Variants in TP53BP1 observed in about 807,000 individuals in gnomAD.
The protein encoded by TP53BP1 is tumor protein p53 binding protein 1, also known as TP53-binding protein 1.
A neutral mutation model predicts 200.8 loss-of-function variants in TP53BP1; 61 were observed. The observed-to-expected ratio is 0.30, with a 90% CI of 0.25 to 0.38. The LOEUF (loss-of-function observed/expected upper bound fraction) is 0.38. Among genes scored for constraint, TP53BP1 ranks in the 10% least tolerant of loss-of-function variants. TP53BP1 has a pLI of 1.00. For synonymous variants in TP53BP1, 822 were observed against 844.3 expected, an observed-to-expected ratio of 0.97 and a Z score of 0.46; for missense variants, 2,144 against 2,371.9, an observed-to-expected ratio of 0.90 and a Z score of 2.00.
At chr15:43,446,058 C>T (rs1238812925) in intron 14 of TP53BP1, among the ~76,000 whole-genome samples, 1 of 152,148 alleles carries the variant, frequency 6.6e-6, no homozygotes, top group East Asian at 1.9e-4. Flanking sequence ...CAAACAACTT[C>T]TAATTCATGT....
At chr15:43,501,347 G>A (rs1478560906) in intron 1 of TP53BP1, among the ~76,000 whole-genome samples, 2 of 151,614 alleles carry the variant, frequency 1.3e-5, no homozygotes. Flanking sequence ...CCTCGGGGCT[G>A]GGACTACAGG....
intron 10 of TP53BP1, among the ~76,000 whole-genome samples, chr15:43,473,464 C>T (rs976435600): frequency 1.3e-5 from 2 of 151,998 alleles, no homozygotes; most frequent in African/African-American, 2.4e-5. Context: ...CAAGGCCCCA[C>T]CAGAGTAGCT....
intron 10 of TP53BP1, among the ~76,000 whole-genome samples, chr15:43,472,653 T>C (rs1334049199): frequency 6.6e-6 from 1 of 152,216 alleles, no homozygotes; most frequent in Non-Finnish European, 1.5e-5. Context: ...CAATTGCTGG[T>C]TCCTTCTCAC....
Position 43,454,232 on chromosome 15 carries a change from C to G in TP53BP1, c.2716+1660G>C, listed in dbSNP as rs2046240499. 2.0e-5 allele frequency among the ~76,000 whole-genome samples: 3 copies of G among 152,030 alleles called. 1 individual carries two copies. The South Asian group carries it at 6.2e-4, about 32-fold the overall frequency. On this transcript the variant is annotated intron_variant, in intron 12 of 27. Coordinates refer to ENST00000382044, the MANE Select transcript of TP53BP1 (RefSeq NM_001141980.3). ...AAAAAAAGGGACTGTTCTACGCAAA[C>G]CAAAAAATATGGTCACTCATACTAT...
chr15:43,477,511 G>T, intron 8 of TP53BP1, 82 bp downstream of exon 8: 1 of 1,341,522 alleles, frequency 7.5e-7, no homozygotes, highest in South Asian at 2.0e-5. Context: ...AAAATGCTTT[G>T]TAACTTAACC....
chr15:43,409,115 A>G lies in TP53BP1; in HGVS notation c.5401-19T>C. 1 of 1,613,202 alleles carries G rather than the reference A, an allele frequency of 6.2e-7. No individual in the cohort carries two copies. The highest frequency in any genetic ancestry group is 1.7e-5 in the Admixed American group (1 of 59,976). On this transcript the variant is annotated intron_variant, in intron 25 of 27. Coordinates refer to ENST00000382044, the MANE Select transcript of TP53BP1 (RefSeq NM_001141980.3). ...TGTTACACTGCAAGAAAAGAAGCAGAGCCAATGGGTTTGGTGACTTCTGTG... is the reference window on the plus strand; with the variant it reads ...TGTTACACTGCAAGAAAAGAAGCAGGGCCAATGGGTTTGGTGACTTCTGTG...
chr15:43,499,131 A>C (rs1378784521), intron 1 of TP53BP1, among the ~76,000 whole-genome samples: 1 of 152,102 alleles, frequency 6.6e-6, no homozygotes, highest in Non-Finnish European at 1.5e-5. Flanking sequence ...ATAAGAGAAG[A>C]CTTCAGTGGA....
rs1566906972 is a variant in TP53BP1 at position 43,405,484 on chromosome 15, T to C, written c.*1899A>G. ...TTGTTGGATATGTTCATTTATTCAA[T>C]AGTCATTTATTGAGCACCTACTACG... On this transcript the variant is annotated 3_prime_UTR_variant, in exon 28 of 28. Coordinates refer to ENST00000382044, the MANE Select transcript of TP53BP1 (RefSeq NM_001141980.3). 1 of 532,082 alleles carries C rather than the reference T, an allele frequency of 1.9e-6. No individual in the cohort carries two copies. The highest frequency in any genetic ancestry group is 3.4e-6 in the Non-Finnish European group (1 of 297,884). 33.0% of individuals were successfully genotyped at this position (532,082 alleles called of 1,614,324 possible). A position where few individuals can be genotyped will look rare whatever the true frequency, so the allele number is the denominator to read the frequency against.
intron 12 of TP53BP1, among the ~76,000 whole-genome samples, chr15:43,454,180 A>G (rs2046239195): frequency 6.6e-6 from 1 of 151,426 alleles, no homozygotes; most frequent in African/African-American, 2.4e-5. Context: ...ACTCCAGCCC[A>G]GCAACAGAGC....
In TP53BP1 at chr15:43,475,676, G is replaced by A. The variant is rs144313241; in HGVS notation, c.974C>T (p.Ser325Phe). 1 of 1,613,920 alleles carries A rather than the reference G, an allele frequency of 6.2e-7. No individual in the cohort carries two copies. Among genetic ancestry groups the A allele is most frequent in the Non-Finnish European group, 8.5e-7 (1 of 1,180,026 alleles). ...SNKTVSSDGC[S>F]TPSREEGGCS... is the part of the protein sequence containing the mutation. ...CCCACCTTCCTCCCTTGAAGGAGTAGAGCAACCATCAGAAGATACTGAAAA... is the reference window on the plus strand; with the variant it reads ...CCCACCTTCCTCCCTTGAAGGAGTAAAGCAACCATCAGAAGATACTGAAAA... The change falls in exon 9 of 28, where the codon TCT becomes TTT. Residue 325 changes from serine to phenylalanine, a missense_variant. Transcript: ENST00000382044.
intron 23 of TP53BP1, among the ~76,000 whole-genome samples, chr15:43,413,760 T>A (rs1178096976): frequency 6.6e-6 from 1 of 151,468 alleles, no homozygotes; most frequent in African/African-American, 2.4e-5. Context: ...TCCCCCAGGG[T>A]ATGAGATATT....
At chr15:43,485,508 C>T (rs952688913) in intron 4 of TP53BP1, among the ~76,000 whole-genome samples, 6 of 134,464 alleles carry the variant, frequency 4.5e-5, no homozygotes, top group African/African-American at 1.1e-4. Flanking sequence ...ACCCAGGAGG[C>T]GGAGCTTGCA....
chr15:43,407,196 CAG>C lies in TP53BP1; in HGVS notation c.*185_*186del, dbSNP rs2044929735. Reference sequence around the variant, plus strand: ...TGTTCTGAGATTAAGCTCAAAAAAACAGATGAAGAAATCCCAGTTACTACAAC... The same window carrying C: ...TGTTCTGAGATTAAGCTCAAAAAAACATGAAGAAATCCCAGTTACTACAAC... On this transcript the variant is annotated 3_prime_UTR_variant, in exon 28 of 28. Coordinates refer to ENST00000382044, the MANE Select transcript of TP53BP1 (RefSeq NM_001141980.3). 1.7e-6 allele frequency: 1 copy of C among 580,230 alleles called. No homozygotes were observed. Among genetic ancestry groups the C allele is most frequent in the African/African-American group, 1.9e-5 (1 of 53,520 alleles). The allele number at this position is 580,230 out of a possible 1,614,324, so 35.9% of individuals were successfully genotyped here.
Position 43,492,432 on chromosome 15 carries a change from G to C in TP53BP1, c.44C>G (p.Ser15Ter). ...AGGAGTATCTTGCTGAGAGAAATCT[G>C]AATCCAACTGACTTCCAGTAGGGTC... ...QMDPTGSQLD[S>*]DFSQQDTPCL... The change falls in exon 2 of 28, where the codon TCA becomes TGA. Residue 15 changes from serine to a stop codon, truncating the protein, a stop_gained. Coordinates refer to ENST00000382044, the MANE Select transcript of TP53BP1 (RefSeq NM_001141980.3). LOFTEE classifies it high-confidence loss of function. 2 of 1,613,998 alleles carry C rather than the reference G, an allele frequency of 1.2e-6. No individual in the cohort carries two copies. Among genetic ancestry groups the C allele is most frequent in the Non-Finnish European group, 1.7e-6 (2 of 1,179,978 alleles).
chr15:43,404,906 A>G lies in TP53BP1; in HGVS notation c.*2477T>C. 2 of 500,374 alleles carry G rather than the reference A, an allele frequency of 4.0e-6. No individual in the cohort carries two copies. The highest frequency in any genetic ancestry group is 7.3e-5 in the Admixed American group (2 of 27,360). The allele number at this position is 500,374 out of a possible 1,614,324, so 31.0% of individuals were successfully genotyped here. The stretch of plus-strand genomic sequence containing the variant: ...TGGTCCCTAGCTTCCGCATCTGTGA[A>G]AGGAGGCGACCACCCCTTCTAACTC... On this transcript the variant is annotated 3_prime_UTR_variant, in exon 28 of 28. Transcript: ENST00000382044.
In TP53BP1 at chr15:43,405,167, A is replaced by G. The variant is rs1397464660; in HGVS notation, c.*2216T>C. 1.2e-6 allele frequency: 2 copies of G among 1,613,760 alleles called. No homozygotes were observed. The highest frequency in any genetic ancestry group is 1.7e-6 in the Non-Finnish European group (2 of 1,179,730). ...TCTTTGAAGGTAGTCTTGGGAAAGC[A>G]TGACACTTAATAAGGCTCTTTTTCT... On this transcript the variant is annotated 3_prime_UTR_variant, in exon 28 of 28. Transcript: ENST00000382044.
rs1204071639 is a variant in TP53BP1 at position 43,446,432 on chromosome 15, G to C, written c.2995C>G (p.Pro999Ala). Residue 999 changes from proline to alanine, a missense_variant, in exon 14 of 28, where the codon CCT becomes GCT. Around this residue, in one of 4 missense-constraint regions of TP53BP1, gnomAD observed 1,700 missense variants for 1,710.3 expected, o/e 0.99. Coordinates refer to ENST00000382044, the MANE Select transcript of TP53BP1 (RefSeq NM_001141980.3). ...KLCLRMKLVS[P>A]ETEASEESLQ... ...GACTCTTCACTCGCCTCAGTCTCAG[G>C]ACTAACCAGTTTCATTCTTAGACAT... 6.2e-7 allele frequency: 1 copy of C among 1,614,024 alleles called. No homozygotes were observed. Among genetic ancestry groups the C allele is most frequent in the Admixed American group, 1.7e-5 (1 of 60,006 alleles).
chr15:43,412,940 G>C (rs2045160565), intron 24 of TP53BP1, among the ~76,000 whole-genome samples, 179 bp downstream of exon 24: 1 of 152,194 alleles, frequency 6.6e-6, no homozygotes, highest in African/African-American at 2.4e-5. Context: ...GAGGAATTTT[G>C]TGAAAACAGT....
chr15:43,469,274 C>T (rs2046663482), intron 11 of TP53BP1, among the ~76,000 whole-genome samples: 1 of 151,896 alleles, frequency 6.6e-6, no homozygotes, highest in Non-Finnish European at 1.5e-5. Context: ...AACTAAAAAC[C>T]ATCTTGATAC....
Sources: gnomAD v4.1 joint callset for allele counts (sites outside exome capture counted in the v4.1 genomes callset) on GRCh38, gnomAD v4.1.1 for gene constraint, gnomAD v4.1.1 regional missense constraint, MANE v1.5 for transcripts, NCBI Gene and HGNC (gene_info 2026-07-23, HGNC 2026-07-21) for gene names.